Variants in CCSER1 observed in about 807,000 individuals in gnomAD.
The protein encoded by CCSER1 is serine-rich coiled-coil domain-containing protein 1.
Under a neutral mutation model 82.0 loss-of-function variants are expected in CCSER1, and 41 were observed. That is an observed-to-expected ratio of 0.50 (90% CI 0.39 to 0.65). The LOEUF is 0.65. Among genes scored for constraint, CCSER1 ranks in the 30% least tolerant of loss-of-function variants. The probability of loss-of-function intolerance (pLI) is 0.00; values close to 1 mark genes in which losing one functional copy is unlikely to be tolerated. For synonymous variants in CCSER1, 414 were observed against 383.9 expected, an observed-to-expected ratio of 1.08 and a Z score of -0.92; for missense variants, 1,119 against 1,064.2, an observed-to-expected ratio of 1.05 and a Z score of -0.72.
chr4:90,285,031 G>T (rs548596686), intron 1 of CCSER1, among the ~76,000 whole-genome samples: 1 of 151,698 alleles, frequency 6.6e-6, no homozygotes, highest in East Asian at 1.9e-4. Context: ...GCTGTTTTGG[G>T]GGTTATTGTA....
chr4:90,352,446 C>T (rs1743641347), intron 3 of CCSER1, among the ~76,000 whole-genome samples: 1 of 152,054 alleles, frequency 6.6e-6, no homozygotes, highest in Admixed American at 6.6e-5. Context: ...GGCGGATCAC[C>T]TGAGGTCAGG....
chr4:90,539,476 G>A (rs554103314), intron 5 of CCSER1, among the ~76,000 whole-genome samples: 1 of 152,122 alleles, frequency 6.6e-6, no homozygotes, highest in Non-Finnish European at 1.5e-5. Context: ...GCTCTCATAA[G>A]ACCAAATACT....
chr4:91,196,710 A>T (rs1735465894), intron 10 of CCSER1, among the ~76,000 whole-genome samples: 1 of 152,196 alleles, frequency 6.6e-6, no homozygotes, highest in Non-Finnish European at 1.5e-5. Context: ...GTGGCTTTCA[A>T]TGCATTGAGC....
intron 10 of CCSER1, among the ~76,000 whole-genome samples, chr4:91,400,407 T>A (rs115984098): frequency 0.024 from 3,568 of 151,520 alleles, 117 homozygotes; most frequent in African/African-American, 0.08. Flanking sequence ...TTCAAAAAGT[T>A]AAATAAAATT....
At chr4:90,576,215 T>C (rs1179239077) in intron 5 of CCSER1, among the ~76,000 whole-genome samples, 1 of 152,126 alleles carries the variant, frequency 6.6e-6, no homozygotes, top group Non-Finnish European at 1.5e-5. Context: ...TAAAAACAGA[T>C]TTTATTTTTT....
intron 8 of CCSER1, among the ~76,000 whole-genome samples, chr4:90,915,235 T>G (rs1727149836): frequency 6.6e-6 from 1 of 152,028 alleles, no homozygotes; most frequent in Admixed American, 6.6e-5. Context: ...TAGACCAATA[T>G]CCATGATGAA....
chr4:91,187,293 C>G (rs1317355848), intron 10 of CCSER1, among the ~76,000 whole-genome samples: 1 of 152,228 alleles, frequency 6.6e-6, no homozygotes, highest in Non-Finnish European at 1.5e-5. Context: ...GCACCTCTCT[C>G]TGCTAGTTTT....
At chr4:90,494,177 C>T (rs1768578019) in intron 5 of CCSER1, among the ~76,000 whole-genome samples, 1 of 152,192 alleles carries the variant, frequency 6.6e-6, no homozygotes, top group Non-Finnish European at 1.5e-5. Context: ...AAGGCCATTA[C>T]ATAATGGTAA....
chr4:91,214,888 GT>G (rs2149090245), intron 10 of CCSER1, among the ~76,000 whole-genome samples: 1 of 152,122 alleles, frequency 6.6e-6, no homozygotes, highest in South Asian at 2.1e-4. Flanking sequence ...GAGATATTCA[GT>G]TAACTGGAAC....
intron 10 of CCSER1, among the ~76,000 whole-genome samples, chr4:91,179,368 G>A (rs1396364965): frequency 1.3e-5 from 2 of 152,126 alleles, no homozygotes; most frequent in Admixed American, 6.5e-5. Context: ...GGTTGGGGAA[G>A]TTCTCATGGA....
At chr4:90,448,387 A>C (rs546945658) in intron 4 of CCSER1, among the ~76,000 whole-genome samples, 1 of 147,518 alleles carries the variant, frequency 6.8e-6, no homozygotes, top group Non-Finnish European at 1.5e-5. Flanking sequence ...AATGAGAAAC[A>C]TAACTGGGAG....
chr4:91,397,985 T>C (rs1203658729), intron 10 of CCSER1, among the ~76,000 whole-genome samples: 1 of 152,028 alleles, frequency 6.6e-6, no homozygotes, highest in Non-Finnish European at 1.5e-5. Flanking sequence ...CAGAGAAATG[T>C]AATCATTATA....
At chr4:91,026,008 G>C (rs1449175677) in intron 9 of CCSER1, among the ~76,000 whole-genome samples, 1 of 152,128 alleles carries the variant, frequency 6.6e-6, no homozygotes, top group Non-Finnish European at 1.5e-5. Context: ...TCAGTGCACT[G>C]TGCTTGTGCT....
intron 5 of CCSER1, among the ~76,000 whole-genome samples, chr4:90,624,918 G>A (rs1315216676): frequency 2.0e-5 from 3 of 152,134 alleles, no homozygotes; most frequent in East Asian, 1.9e-4. Context: ...TGTGTTCAGC[G>A]GAGATTACAT....
chr4:90,818,278 T>TC (rs959396890), intron 8 of CCSER1, among the ~76,000 whole-genome samples: 1 of 150,778 alleles, frequency 6.6e-6, no homozygotes, highest in Non-Finnish European at 1.5e-5. Context: ...TTCTTTTTTT[T>TC]CTTTTTTTTT....
chr4:90,732,027 TTCTCTC>T (rs76331329), intron 7 of CCSER1, among the ~76,000 whole-genome samples: 56 of 131,174 alleles, frequency 4.3e-4, no homozygotes, highest in African/African-American at 9.7e-4. Flanking sequence ...CTATTGGGAT[TTCTCTC>T]TCTCTCTCTC....
intron 9 of CCSER1, among the ~76,000 whole-genome samples, chr4:91,039,706 T>C (rs1741787309): frequency 8.1e-6 from 1 of 123,052 alleles, no homozygotes; most frequent in Non-Finnish European, 1.8e-5. Context: ...AATGTGTATA[T>C]ATATGAGTAT....
At chr4:90,962,986 C>CAA (rs758579829) in intron 9 of CCSER1, among the ~76,000 whole-genome samples, 1 of 146,806 alleles carries the variant, frequency 6.8e-6, no homozygotes, top group African/African-American at 2.5e-5. Context: ...TCTAGTTTAG[C>CAA]AAAAAAAAAA....
chr4:91,465,553 T>C (rs1347696246), intron 10 of CCSER1, among the ~76,000 whole-genome samples: 1 of 152,046 alleles, frequency 6.6e-6, no homozygotes, highest in East Asian at 1.9e-4. Context: ...AAAAAATCAG[T>C]GAATCCAGGA....
Sources: gnomAD v4.1 joint callset for allele counts (sites outside exome capture counted in the v4.1 genomes callset) on GRCh38, gnomAD v4.1.1 for gene constraint, MANE v1.5 for transcripts, NCBI Gene and HGNC (gene_info 2026-07-23, HGNC 2026-07-21) for gene names.